PLCL2: variants seen among roughly 807,000 people sequenced by gnomAD.
The protein encoded by PLCL2 is phospholipase C like 2.
In PLCL2, 4 loss-of-function variants were observed where a neutral mutation model predicts 79.6. The observed-to-expected ratio is 0.05, with a 90% CI of 0.02 to 0.11. The LOEUF is 0.11. Among genes scored for constraint, PLCL2 ranks in the 10% least tolerant of loss-of-function variants. The pLI, the probability that PLCL2 is intolerant of heterozygous loss-of-function variation, is 1.00. For synonymous variants in PLCL2, 484 were observed against 457.7 expected (o/e 1.06, Z -0.73); for missense variants, 895 against 1,291.0 (o/e 0.69, Z 4.70).
rs545567110 is a variant in PLCL2, at chr3:16,887,717, A to G, written c.327+2351A>G. 2.6e-5 allele frequency among the ~76,000 whole-genome samples: 4 copies of G among 152,350 alleles called. No homozygotes were observed. Among genetic ancestry groups the G allele is most frequent in the Admixed American group, 2.0e-4 (3 of 15,308 alleles). ...ATCCTAATAGAAAACAAAGTCTTTAACATCAAATTTCATAAAGCAACAAAT... is the reference window on the plus strand; with the variant it reads ...ATCCTAATAGAAAACAAAGTCTTTAGCATCAAATTTCATAAAGCAACAAAT... On this transcript the variant is annotated intron_variant, in intron 1 of 5. Transcript: ENST00000615277. This position sits in a 1 kb window ranked among gnomAD's most constrained non-coding sequence, Gnocchi z 4.1.
At position 17,014,183 on chromosome 3, in the gene PLCL2, G is replaced by A. The variant is rs2064358342; in HGVS notation, c.2815-525G>A. On this transcript the variant is annotated intron_variant, in intron 2 of 5. Transcript: ENST00000615277. ...AGGTAACCAAGGTCCCTGCTGGGCA[G>A]ACTCAACAGAGAACAGTAGCATCCT... Among the ~76,000 whole-genome samples, 3 of 152,304 alleles carry A rather than the reference G, an allele frequency of 2.0e-5. No homozygotes were observed. In the South Asian group the frequency reaches 6.2e-4, roughly 32 times the overall value.
At chr3:16,953,351 AAAC>A (rs754728931) in intron 1 of PLCL2, among the ~76,000 whole-genome samples, 6 of 152,204 alleles carry the variant, frequency 3.9e-5, no homozygotes, top group Non-Finnish European at 7.3e-5. Context: ...TTTGTACAGA[AAAC>A]ATGAATTACA....
intron 5 of PLCL2, among the ~76,000 whole-genome samples, chr3:17,085,204 G>A (rs62248161): frequency 0.18 from 27,909 of 151,826 alleles, 3,016 homozygotes; most frequent in East Asian, 0.52. Context: ...GCATGATCAT[G>A]GCTCACTGCA....
intron 5 of PLCL2, among the ~76,000 whole-genome samples, chr3:17,074,613 A>G (rs917306979): frequency 3.3e-5 from 5 of 152,220 alleles, no homozygotes; most frequent in Non-Finnish European, 7.3e-5. Flanking sequence ...TTTCAATAGA[A>G]GGCTGTTTCA....
chr3:16,939,093 TC>T (rs1697613236), intron 1 of PLCL2, among the ~76,000 whole-genome samples: 1 of 152,174 alleles, frequency 6.6e-6, no homozygotes, highest in Admixed American at 6.5e-5. Flanking sequence ...CTAAGGCCCA[TC>T]CATGCTGTGC....
intron 1 of PLCL2, among the ~76,000 whole-genome samples, chr3:16,963,268 A>T (rs2063773351): frequency 6.6e-6 from 1 of 152,120 alleles, no homozygotes; most frequent in African/African-American, 2.4e-5. Flanking sequence ...TTTAAAATGG[A>T]TCACACATCT....
In PLCL2 at chr3:17,061,994, G is replaced by C. The variant is rs550420836; in HGVS notation, c.3095-5962G>C. On this transcript the variant is annotated intron_variant, in intron 4 of 5. Transcript: ENST00000615277. ...CATTATCACAAAGAAATTGCGGCAG[G>C]TTTCCTCATGGTTAACATTCCAGAA... 1.1e-4 allele frequency among the ~76,000 whole-genome samples: 16 copies of C among 152,224 alleles called. No individual in the cohort carries two copies. The South Asian group carries it at 2.9e-3, about 28-fold the overall frequency.
At chr3:16,985,218 C>T (rs1395416690) in intron 1 of PLCL2, among the ~76,000 whole-genome samples, 1 of 152,122 alleles carries the variant, frequency 6.6e-6, no homozygotes, top group Non-Finnish European at 1.5e-5. Flanking sequence ...GGTAGCTCCA[C>T]TCCGGGTGCC....
At chr3:16,916,105 G>A (rs1028340940) in intron 1 of PLCL2, among the ~76,000 whole-genome samples, 11 of 152,110 alleles carry the variant, frequency 7.2e-5, no homozygotes, top group African/African-American at 2.7e-4. Context: ...TTCGCTTGTT[G>A]CAGACGACAG....
At chr3:16,888,080 T>C (rs1279299443) in intron 1 of PLCL2, among the ~76,000 whole-genome samples, 4 of 152,180 alleles carry the variant, frequency 2.6e-5, no homozygotes, top group Non-Finnish European at 5.9e-5. Flanking sequence ...TCATCTTCAT[T>C]ACAGTCTTGA....
At chr3:16,894,115 A>G (rs1362949728) in intron 1 of PLCL2, among the ~76,000 whole-genome samples, 4 of 152,110 alleles carry the variant, frequency 2.6e-5, no homozygotes, top group African/African-American at 9.7e-5. Context: ...GTTTCCTGCT[A>G]CCTTTTATTT....
intron 1 of PLCL2, among the ~76,000 whole-genome samples, chr3:16,966,526 G>A (rs12488103): frequency 0.18 from 27,320 of 152,028 alleles, 3,012 homozygotes; most frequent in East Asian, 0.53. Context: ...GATGATGTTG[G>A]CCTCATAAAA....
intron 1 of PLCL2, among the ~76,000 whole-genome samples, chr3:16,969,692 A>C (rs938627747): frequency 1.3e-5 from 2 of 151,652 alleles, no homozygotes; most frequent in East Asian, 3.9e-4. Flanking sequence ...CAAATAACCA[A>C]CTCCTGGATT....
chr3:16,995,616 A>G (rs1332524895), intron 1 of PLCL2, among the ~76,000 whole-genome samples: 1 of 152,166 alleles, frequency 6.6e-6, no homozygotes, highest in South Asian at 2.1e-4. Flanking sequence ...AAAATCTAAT[A>G]TTTGAAGTTT....
Position 16,933,277 on chromosome 3 carries a change from A to G in PLCL2, c.327+47911A>G, listed in dbSNP as rs17042898. 5.0e-3 allele frequency: 781 copies of G among 154,922 alleles called. 5 individuals carry two copies. The highest frequency in any genetic ancestry group is 0.017 in the African/African-American group (708 of 41,658). 9.6% of individuals were successfully genotyped at this position (154,922 alleles called of 1,614,324 possible). On this transcript the variant is annotated intron_variant, in intron 1 of 5. Coordinates refer to ENST00000615277, the MANE Select transcript of PLCL2 (RefSeq NM_001144382.2). ...TGCCACCTCTCCACAGCCTTGTTCAAGAGCACTGGAAATTGTAAGGTGTTT... is the reference window on the plus strand; with the variant it reads ...TGCCACCTCTCCACAGCCTTGTTCAGGAGCACTGGAAATTGTAAGGTGTTT...
At chr3:16,979,615 G>A (rs2124985718) in intron 1 of PLCL2, among the ~76,000 whole-genome samples, 1 of 134,692 alleles carries the variant, frequency 7.4e-6, no homozygotes, top group East Asian at 2.1e-4. Context: ...TCAACCCTGA[G>A]TGGATACAGC....
chr3:17,011,801 A>C lies in PLCL2; in HGVS notation c.2455A>C (p.Ile819Leu). The change falls in exon 2 of 6, where the codon ATC (isoleucine) becomes CTC (leucine). Residue 819 changes from isoleucine (I) to leucine (L), a missense_variant. Ile to Leu is a conservative substitution (Grantham distance 5). Transcript: ENST00000615277. This position sits in a 1 kb window ranked among gnomAD's most constrained non-coding sequence, Gnocchi z 7.9. Reference protein sequence around the residue: ...PIFDESFEFQINLPELAMVRF... With the variant: ...PIFDESFEFQLNLPELAMVRF... ...TTTTGATGAAAGCTTTGAATTTCAA[A>C]TCAACCTGCCTGAACTGGCCATGGT... 1 of 1,614,232 alleles carries C rather than the reference A, an allele frequency of 6.2e-7. No individual in the cohort carries two copies. Among genetic ancestry groups the C allele is most frequent in the Non-Finnish European group, 8.5e-7 (1 of 1,180,026 alleles).
At chr3:16,978,375 T>C (rs2063947674) in intron 1 of PLCL2, among the ~76,000 whole-genome samples, 1 of 152,260 alleles carries the variant, frequency 6.6e-6, no homozygotes, top group African/African-American at 2.4e-5. Context: ...CTGAGTAAGA[T>C]GCTTTGCTCT....
chr3:16,982,365 C>A (rs980446750), intron 1 of PLCL2, among the ~76,000 whole-genome samples: 1 of 152,154 alleles, frequency 6.6e-6, no homozygotes, highest in African/African-American at 2.4e-5. Context: ...CCACAGTGTT[C>A]AAGTGACTTG....
Sources: allele counts gnomAD v4.1 joint callset (sites outside exome capture counted in the v4.1 genomes callset), GRCh38; gene constraint gnomAD v4.1.1; non-coding constraint Gnocchi (gnomAD v3.1); transcripts MANE v1.5; gene names NCBI Gene and HGNC (gene_info 2026-07-23, HGNC 2026-07-21).